The following HAT1 variants were observed in gnomAD, a reference collection of about 807,000 sequenced individuals.
HAT1 encodes histone acetyltransferase 1, also known as histone acetyltransferase type B catalytic subunit.
HAT1 carries 20 observed loss-of-function variants against 56.6 expected under a neutral mutation model. The ratio of observed to expected loss-of-function variants is 0.35; its 90% CI spans 0.25 to 0.51. HAT1 has a LOEUF of 0.51. HAT1 is among the 20% of genes least tolerant of loss of function. HAT1 has a pLI of 0.95. For synonymous variants in HAT1, 146 were observed against 165.5 expected (o/e 0.88, Z 0.91); for missense variants, 408 against 504.3 (o/e 0.81, Z 1.83).
intron 9 of HAT1, among the ~76,000 whole-genome samples, chr2:171,977,331 G>A (rs562857153): frequency 1.3e-4 from 18 of 143,902 alleles, no homozygotes; most frequent in South Asian, 4.5e-4. Context: ...GCGTGGTGGC[G>A]CGTGCCTGTA....
chr2:171,940,529 G>A (rs1686994603), intron 2 of HAT1, among the ~76,000 whole-genome samples: 1 of 152,200 alleles, frequency 6.6e-6, no homozygotes, highest in African/African-American at 2.4e-5. Flanking sequence ...GTAGTAAAGG[G>A]CTTCTTAGTT....
intron 8 of HAT1, among the ~76,000 whole-genome samples, chr2:171,972,265 T>G (rs1189053249): frequency 2.0e-5 from 3 of 147,424 alleles, no homozygotes; most frequent in Non-Finnish European, 3.0e-5. Context: ...TGTTTTTTGG[T>G]GAGGTAGGGG....
chr2:171,922,465 C>A lies in HAT1; in HGVS notation c.-36C>A, dbSNP rs375805459. The A allele has an allele frequency of 6.8e-6, 9 of 1,317,418 alleles. No homozygotes were observed. In the Admixed American group the frequency reaches 2.4e-4, roughly 36 times the overall value. 81.6% of individuals were successfully genotyped at this position (1,317,418 alleles called of 1,614,324 possible). On this transcript the variant is annotated 5_prime_UTR_variant, in exon 1 of 11. Coordinates refer to ENST00000264108, the MANE Select transcript of HAT1 (RefSeq NM_003642.4). ...CGGCCCGGGAGCGCGCGGGTTGATT[C>A]GTCCTTCCTCAGCCGCGGGTGATCG...
chr2:171,924,656 C>T (rs1686534954), intron 1 of HAT1: 1 of 152,186 alleles, frequency 6.6e-6, no homozygotes, highest in African/African-American at 2.4e-5. Flanking sequence ...TTTAGGCATA[C>T]ATGATTTTTA....
At chr2:171,972,018 T>C (rs1002382392) in intron 8 of HAT1, among the ~76,000 whole-genome samples, 1 of 152,176 alleles carries the variant, frequency 6.6e-6, no homozygotes, top group African/African-American at 2.4e-5. Context: ...AGGGGCTGCA[T>C]GTTGCAAACT....
At chr2:171,939,319 C>T (rs374966655) in intron 2 of HAT1, among the ~76,000 whole-genome samples, 4 of 152,194 alleles carry the variant, frequency 2.6e-5, no homozygotes, top group Non-Finnish European at 4.4e-5. Flanking sequence ...AGTGTTCGCT[C>T]GTCACCCTAA....
intron 2 of HAT1, among the ~76,000 whole-genome samples, chr2:171,937,627 C>T (rs544524684): frequency 8.5e-5 from 13 of 152,174 alleles, no homozygotes; most frequent in African/African-American, 2.9e-4. Flanking sequence ...AATAATATTT[C>T]GGGTAGAAAA....
intron 9 of HAT1, among the ~76,000 whole-genome samples, chr2:171,977,127 G>A (rs1336111311): frequency 2.0e-5 from 3 of 148,426 alleles, no homozygotes; most frequent in Non-Finnish European, 4.5e-5. Context: ...GAGCTGAGAT[G>A]GTGCCACTGC....
intron 2 of HAT1, among the ~76,000 whole-genome samples, chr2:171,926,437 G>T (rs918365986): frequency 2.0e-5 from 3 of 152,160 alleles, no homozygotes; most frequent in Admixed American, 6.5e-5. Flanking sequence ...GGGATTACAG[G>T]CATGCGCCAC....
At chr2:171,936,795 T>TAA (rs1686883340) in intron 2 of HAT1, among the ~76,000 whole-genome samples, 1 of 152,184 alleles carries the variant, frequency 6.6e-6, no homozygotes, top group Admixed American at 6.5e-5. Flanking sequence ...GGCAATATGC[T>TAA]AAGATTTCAG....
At chr2:171,933,654 G>A (rs1435230957) in intron 2 of HAT1, among the ~76,000 whole-genome samples, 1 of 151,638 alleles carries the variant, frequency 6.6e-6, no homozygotes, top group Non-Finnish European at 1.5e-5. Flanking sequence ...CTTCTTTTTT[G>A]ACCCATGAGT....
chr2:171,960,822 G>A (rs763728022), intron 4 of HAT1, among the ~76,000 whole-genome samples: 11 of 151,596 alleles, frequency 7.3e-5, no homozygotes, highest in Non-Finnish European at 1.5e-4. Context: ...GACCAGCCTT[G>A]GTAACATAAT....
At chr2:171,941,195 G>A (rs1373681314) in intron 2 of HAT1, among the ~76,000 whole-genome samples, 1 of 151,966 alleles carries the variant, frequency 6.6e-6, no homozygotes, top group African/African-American at 2.4e-5. Context: ...TCACTGATAG[G>A]GTTGGTGTTT....
intron 2 of HAT1, among the ~76,000 whole-genome samples, chr2:171,944,321 G>A (rs1687104062): frequency 6.6e-6 from 1 of 152,150 alleles, no homozygotes; most frequent in Non-Finnish European, 1.5e-5. Context: ...ACAGATAAAT[G>A]TACATTCTGG....
chr2:171,945,135 T>G (rs1220196597), intron 2 of HAT1, among the ~76,000 whole-genome samples: 1 of 152,060 alleles, frequency 6.6e-6, no homozygotes, highest in Non-Finnish European at 1.5e-5. Flanking sequence ...CCTCCCAAAG[T>G]GCTGGGATTA....
intron 3 of HAT1, among the ~76,000 whole-genome samples, chr2:171,949,246 C>G (rs1031911441): frequency 6.6e-6 from 1 of 151,932 alleles, no homozygotes; most frequent in African/African-American, 2.4e-5. Context: ...GGGTCTTGCT[C>G]TGTCACCCAG....
chr2:171,959,584 A>T (rs1325408299), intron 4 of HAT1, among the ~76,000 whole-genome samples: 5 of 152,212 alleles, frequency 3.3e-5, no homozygotes, highest in Non-Finnish European at 4.4e-5. Flanking sequence ...GTCAAAGATC[A>T]TTTATATTGC....
chr2:171,936,390 A>G (rs1230183161), intron 2 of HAT1, among the ~76,000 whole-genome samples: 2 of 152,218 alleles, frequency 1.3e-5, no homozygotes, highest in Non-Finnish European at 2.9e-5. Context: ...CATGTGTGCC[A>G]AAGAACTGTT....
chr2:171,935,084 T>C (rs1686839034), intron 2 of HAT1, among the ~76,000 whole-genome samples: 1 of 151,384 alleles, frequency 6.6e-6, no homozygotes, highest in Non-Finnish European at 1.5e-5. Flanking sequence ...ACGAGGCTGC[T>C]ATGAAAAAAA....
Sources: gnomAD v4.1 joint callset for allele counts (sites outside exome capture counted in the v4.1 genomes callset) on GRCh38, gnomAD v4.1.1 for gene constraint, MANE v1.5 for transcripts, NCBI Gene and HGNC (gene_info 2026-07-23, HGNC 2026-07-21) for gene names.